The following VPS13B variants were observed in gnomAD, a reference collection of about 807,000 sequenced individuals.
VPS13B encodes vacuolar protein sorting 13 homolog B.
A neutral mutation model predicts 426.4 loss-of-function variants in VPS13B; 285 were observed. That is an observed-to-expected ratio of 0.67 (90% confidence interval 0.61 to 0.74). VPS13B has a LOEUF of 0.74. VPS13B is among the 30% of genes least tolerant of loss of function. The pLI, the probability that VPS13B is intolerant of heterozygous loss-of-function variation, is 0.00. For missense variants in VPS13B, 4,537 were observed against 4,782.6 expected, an observed-to-expected ratio of 0.95 and a Z score of 1.51; for synonymous variants, 1,676 against 1,676.4, an observed-to-expected ratio of 1.00 and a Z score of 0.01.
At chr8:99,495,941 G>A (rs140677507) in intron 25 of VPS13B, among the ~76,000 whole-genome samples, 1 of 152,278 alleles carries the variant, frequency 6.6e-6, no homozygotes. Flanking sequence ...GTGATTTGGA[G>A]GATCAGGCAG....
At chr8:99,767,232 GA>G (rs1238554122) in intron 40 of VPS13B, among the ~76,000 whole-genome samples, 3 of 151,630 alleles carry the variant, frequency 2.0e-5, no homozygotes, top group Non-Finnish European at 4.4e-5. Flanking sequence ...GAAAAAAATG[GA>G]AAAAAGCAAG....
chr8:99,848,622 C>T (rs1816103138), intron 54 of VPS13B, among the ~76,000 whole-genome samples, 154 bp from the exon 55 acceptor site: 1 of 151,808 alleles, frequency 6.6e-6, no homozygotes, highest in East Asian at 1.9e-4. Context: ...TTTTTCATTT[C>T]AAGTCAACTG....
rs1052162288 is a variant in VPS13B, at chr8:99,819,284, C to T, written c.8622-128C>T. On this transcript the variant is annotated intron_variant, in intron 47 of 61. Coordinates refer to ENST00000357162, the MANE Select transcript of VPS13B (RefSeq NM_152564.5). Reference sequence around the variant, plus strand: ...GGCCCAGATCATCCACACACTGTCCCATAAATGGACTCTATCTACCAAAAA... The same window carrying T: ...GGCCCAGATCATCCACACACTGTCCTATAAATGGACTCTATCTACCAAAAA... 4 of 1,098,888 alleles carry T rather than the reference C, an allele frequency of 3.6e-6. No individual in the cohort carries two copies. The Admixed American group carries it at 8.0e-5, about 22-fold the overall frequency. 68.1% of individuals were successfully genotyped at this position (1,098,888 alleles called of 1,614,324 possible).
intron 52 of VPS13B, among the ~76,000 whole-genome samples, chr8:99,834,268 T>G (rs1815247452): frequency 6.6e-6 from 1 of 152,238 alleles, no homozygotes; most frequent in Admixed American, 6.5e-5. Context: ...ATTTTCCTGC[T>G]TCAAAGAAAT....
chr8:99,855,158 T>A (rs1224137552), intron 56 of VPS13B, among the ~76,000 whole-genome samples: 1 of 152,192 alleles, frequency 6.6e-6, no homozygotes, highest in African/African-American at 2.4e-5. Context: ...GGAGGATCAC[T>A]TGAGCACGGG....
chr8:99,199,557 G>C (rs1438668057), intron 17 of VPS13B, among the ~76,000 whole-genome samples: 1 of 152,056 alleles, frequency 6.6e-6, no homozygotes, highest in East Asian at 1.9e-4. Context: ...CCTACTTGCT[G>C]TCTTAATTCA....
At chr8:99,612,529 G>A (rs1329639542) in intron 33 of VPS13B, among the ~76,000 whole-genome samples, 2 of 152,088 alleles carry the variant, frequency 1.3e-5, no homozygotes, top group Non-Finnish European at 2.9e-5. Flanking sequence ...ATTATCCTAA[G>A]GTTTATTTAG....
At chr8:99,420,309 G>T (rs562360202) in intron 21 of VPS13B, among the ~76,000 whole-genome samples, 1 of 151,992 alleles carries the variant, frequency 6.6e-6, no homozygotes, top group African/African-American at 2.4e-5. Flanking sequence ...GCTTATACAT[G>T]TTACTAGATA....
intron 55 of VPS13B, among the ~76,000 whole-genome samples, chr8:99,850,448 AAAG>A (rs1242425364): frequency 1.3e-5 from 2 of 152,116 alleles, no homozygotes; most frequent in Non-Finnish European, 2.9e-5. Flanking sequence ...ATAAGACTGA[AAAG>A]AAAAAAACTC....
At position 99,819,417 on chromosome 8, in the gene VPS13B, A is replaced by C. The variant is rs1814236149; in HGVS notation, c.8627A>C (p.Glu2876Ala). 1 of 1,613,610 alleles carries C rather than the reference A, an allele frequency of 6.2e-7. No homozygotes were observed. Among genetic ancestry groups the C allele is most frequent in the African/African-American group, 1.3e-5 (1 of 74,914 alleles). ...VHHLTFQARE[E>A]YDPSDCAVPI... The stretch of plus-strand genomic sequence containing the variant: ...TTTTTATTTCAATTTCCTAGAGAAG[A>C]ATATGATCCTTCAGATTGTGCAGTT... The change falls in exon 48 of 62, where the codon GAA becomes GCA. Residue 2876 changes from glutamate (E) to alanine (A), a missense_variant. Coordinates refer to ENST00000357162, the MANE Select transcript of VPS13B (RefSeq NM_152564.5).
At chr8:99,503,620 A>G (rs1458163758) in intron 27 of VPS13B, among the ~76,000 whole-genome samples, 3 of 152,164 alleles carry the variant, frequency 2.0e-5, no homozygotes, top group Non-Finnish European at 4.4e-5. Context: ...CTTCCCCAGG[A>G]GTATTTTGCA....
At chr8:99,233,013 A>G in intron 17 of VPS13B, 3 of 857,796 alleles carry the variant, frequency 3.5e-6, no homozygotes, top group Non-Finnish European at 5.9e-6. Flanking sequence ...GAAGGGCTCC[A>G]TTCATCTGTT....
At chr8:99,775,481 A>G (rs1411107949) in intron 40 of VPS13B, among the ~76,000 whole-genome samples, 1 of 152,208 alleles carries the variant, frequency 6.6e-6, no homozygotes, top group African/African-American at 2.4e-5. Flanking sequence ...CCAAATTCCC[A>G]GGTCTCGTGC....
chr8:99,068,127 G>C (rs535936287), intron 3 of VPS13B, among the ~76,000 whole-genome samples: 1 of 152,194 alleles, frequency 6.6e-6, no homozygotes, highest in Admixed American at 6.5e-5. Flanking sequence ...TTTTCTTACA[G>C]ATACTTCCTT....
chr8:99,118,419 A>G (rs1455149480), intron 7 of VPS13B, among the ~76,000 whole-genome samples: 1 of 152,072 alleles, frequency 6.6e-6, no homozygotes, highest in African/African-American at 2.4e-5. Context: ...TGGAGGTTAA[A>G]TCTCCAAAGT....
intron 23 of VPS13B, among the ~76,000 whole-genome samples, chr8:99,445,515 A>G (rs1219433747): frequency 5.4e-5 from 8 of 149,464 alleles, no homozygotes; most frequent in African/African-American, 1.9e-4. Flanking sequence ...AATATGTAAT[A>G]TATACTTTTT....
intron 33 of VPS13B, among the ~76,000 whole-genome samples, chr8:99,592,704 A>T (rs1826756406): frequency 6.6e-6 from 1 of 152,116 alleles, no homozygotes; most frequent in African/African-American, 2.4e-5. Context: ...TGGTACTGAT[A>T]CAAAAACAGA....
chr8:99,112,863 C>G (rs1240856066), intron 6 of VPS13B, among the ~76,000 whole-genome samples: 1 of 152,046 alleles, frequency 6.6e-6, no homozygotes, highest in Non-Finnish European at 1.5e-5. Flanking sequence ...AGTTTGTGTT[C>G]TCAAAACTGA....
At chr8:99,490,533 G>T (rs1200738535) in intron 25 of VPS13B, among the ~76,000 whole-genome samples, 1 of 152,076 alleles carries the variant, frequency 6.6e-6, no homozygotes, top group African/African-American at 2.4e-5. Context: ...TCTGGTCCTG[G>T]ACTTTTTTTG....
Sources: allele counts gnomAD v4.1 joint callset (sites outside exome capture counted in the v4.1 genomes callset), GRCh38; gene constraint gnomAD v4.1.1; transcripts MANE v1.5; gene names NCBI Gene and HGNC (gene_info 2026-07-23, HGNC 2026-07-21).